SASH1: variants seen among roughly 807,000 people sequenced by gnomAD.
SASH1 encodes SAM and SH3 domain-containing protein 1.
A neutral mutation model predicts 125.2 loss-of-function variants in SASH1; 44 were observed. That is an observed-to-expected ratio of 0.35 (90% CI 0.28 to 0.45). The LOEUF is 0.45. Ranked by LOEUF, SASH1 falls within the 20% of genes least tolerant of loss-of-function variation. The pLI is 1.00. For missense variants in SASH1, 1,426 were observed against 1,614.5 expected, an observed-to-expected ratio of 0.88 and a Z score of 2.00; for synonymous variants, 639 against 649.1, an observed-to-expected ratio of 0.98 and a Z score of 0.24.
At chr6:148,204,622 G>A in the SASH1 span, among the ~76,000 whole-genome samples, 49 of 152,106 alleles carry the variant, frequency 3.2e-4, no homozygotes, top group African/African-American at 1.1e-3. Context: ...AACCCAGGAG[G>A]TGGAGGTTGC....
At chr6:148,278,251 G>A (rs969060815) in intron 1 of SASH1, among the ~76,000 whole-genome samples, 1 of 152,038 alleles carries the variant, frequency 6.6e-6, no homozygotes, top group Non-Finnish European at 1.5e-5. Flanking sequence ...TGACCAGGCT[G>A]GTCTCAAACT....
At chr6:148,535,845 CTGTTGCTAAAAGACA>C (rs1159845931) in intron 16 of SASH1, among the ~76,000 whole-genome samples, 1 of 152,182 alleles carries the variant, frequency 6.6e-6, no homozygotes. Flanking sequence ...AATAGCATTT[CTGTTGCTAAAAGACA>C]CACCAAAACC....
chr6:148,199,062 G>A, the SASH1 span, among the ~76,000 whole-genome samples: 1 of 152,142 alleles, frequency 6.6e-6, no homozygotes, highest in Non-Finnish European at 1.5e-5. Flanking sequence ...TTTCCCAAGA[G>A]GCTGATATCA....
intron 1 of SASH1, among the ~76,000 whole-genome samples, chr6:148,305,292 T>C (rs945078787): frequency 6.6e-6 from 1 of 152,020 alleles, no homozygotes; most frequent in African/African-American, 2.4e-5. Context: ...TCACCAAAGC[T>C]CTTGCTCTGT....
chr6:148,524,104 T>C (rs1780980163), intron 10 of SASH1, among the ~76,000 whole-genome samples: 1 of 93,156 alleles, frequency 1.1e-5, no homozygotes, highest in African/African-American at 4.6e-5. Context: ...TAATTATATA[T>C]ATATATATAT....
chr6:148,345,073 T>C (rs1466648536), intron 1 of SASH1, among the ~76,000 whole-genome samples: 1 of 152,192 alleles, frequency 6.6e-6, no homozygotes, highest in East Asian at 1.9e-4. Flanking sequence ...TAAGTTATCC[T>C]GTTATTTCTT....
chr6:148,513,550 G>A (rs1780270820), intron 8 of SASH1: 3 of 985,492 alleles, frequency 3.0e-6, no homozygotes, highest in Non-Finnish European at 3.6e-6. Context: ...TGCAGAGAGA[G>A]ATATTTTTCC....
intron 4 of SASH1, among the ~76,000 whole-genome samples, chr6:148,441,599 T>C (rs1448263130): frequency 6.6e-6 from 1 of 152,116 alleles, no homozygotes; most frequent in Non-Finnish European, 1.5e-5. Context: ...TGTGGTGGGG[T>C]AGAAGCATCG....
At chr6:148,381,226 T>C (rs567486679) in intron 1 of SASH1, among the ~76,000 whole-genome samples, 1 of 152,200 alleles carries the variant, frequency 6.6e-6, no homozygotes, top group South Asian at 2.1e-4. Context: ...TAGACTAAAC[T>C]TTTCAGATTT....
chr6:148,302,820 GTATATATA>G (rs71031062), intron 1 of SASH1, among the ~76,000 whole-genome samples: 28,249 of 143,702 alleles, frequency 0.2, 2,890 homozygotes, highest in South Asian at 0.28. Context: ...GACCTCAGGA[GTATATATA>G]TATATATATA....
At chr6:148,414,704 C>T (rs542346320) in intron 2 of SASH1, among the ~76,000 whole-genome samples, 55 of 151,878 alleles carry the variant, frequency 3.6e-4, no homozygotes, top group African/African-American at 1.0e-3. Context: ...CTTGTTTTGT[C>T]GCCCAGGCTG....
At chr6:148,538,116 C>A (rs1477571173) in intron 16 of SASH1, among the ~76,000 whole-genome samples, 1 of 152,142 alleles carries the variant, frequency 6.6e-6, no homozygotes, top group African/African-American at 2.4e-5. Flanking sequence ...ATTCTAGCCC[C>A]CTTCCTTACG....
chr6:148,429,186 A>G (rs1618205), intron 2 of SASH1, among the ~76,000 whole-genome samples: 30,038 of 151,930 alleles, frequency 0.2, 3,258 homozygotes, highest in African/African-American at 0.28. Flanking sequence ...AAATAAAAAC[A>G]TGAAAATACA....
At chr6:148,244,252 C>T in the SASH1 span, among the ~76,000 whole-genome samples, 74 of 152,300 alleles carry the variant, frequency 4.9e-4, 1 homozygote, top group East Asian at 0.011. Context: ...GCTTAGACTC[C>T]TGGAAGCCTA....
At chr6:148,465,144 G>A (rs1198803440) in intron 4 of SASH1, among the ~76,000 whole-genome samples, 1 of 152,190 alleles carries the variant, frequency 6.6e-6, no homozygotes, top group Non-Finnish European at 1.5e-5. Context: ...ACTTTTTGAA[G>A]TATTTTGATG....
intron 1 of SASH1, among the ~76,000 whole-genome samples, chr6:148,319,308 T>C (rs1363192227): frequency 6.6e-6 from 1 of 152,106 alleles, no homozygotes; most frequent in East Asian, 1.9e-4. Context: ...GTGCTGGGAT[T>C]ACAGGCGTGA....
chr6:148,522,795 A>AGG (rs1231865437), intron 10 of SASH1, among the ~76,000 whole-genome samples: 1 of 152,250 alleles, frequency 6.6e-6, no homozygotes, highest in African/African-American at 2.4e-5. Flanking sequence ...ATCAACGTCA[A>AGG]GGGCTGGTTC....
At chr6:148,309,194 G>A (rs959255319) in intron 1 of SASH1, among the ~76,000 whole-genome samples, 1 of 151,918 alleles carries the variant, frequency 6.6e-6, no homozygotes, top group Non-Finnish European at 1.5e-5. Context: ...AATATTCGGT[G>A]AGAACTGAAG....
At chr6:148,281,698 G>A (rs1043031332) in intron 1 of SASH1, among the ~76,000 whole-genome samples, 8 of 152,210 alleles carry the variant, frequency 5.3e-5, no homozygotes, top group South Asian at 4.1e-4. Flanking sequence ...TGAGGTGGGT[G>A]GATCATGAGG....
Sources: allele counts gnomAD v4.1 joint callset (sites outside exome capture counted in the v4.1 genomes callset), GRCh38; gene constraint gnomAD v4.1.1; transcripts MANE v1.5; gene names NCBI Gene and HGNC (gene_info 2026-07-23, HGNC 2026-07-21).